The following PAH variants were observed in gnomAD, a reference collection of about 807,000 sequenced individuals.
PAH encodes phenylalanine hydroxylase.
A neutral mutation model predicts 62.0 loss-of-function variants in PAH; 64 were observed. That is an observed-to-expected ratio of 1.03 (90% CI 0.84 to 1.27). PAH has a LOEUF of 1.27. Among genes scored for constraint, PAH ranks in the 50% most tolerant of loss-of-function variants. The probability of loss-of-function intolerance (pLI) is 0.00; values close to 1 mark genes in which losing one functional copy is unlikely to be tolerated. For missense variants in PAH, 579 were observed against 542.8 expected (o/e 1.07, Z -0.66); for synonymous variants, 195 against 196.2 (o/e 0.99, Z 0.05).
upstream of PAH, among the ~76,000 whole-genome samples, chr12:102,919,373 G>A (rs113386078): frequency 2.6e-5 from 4 of 152,286 alleles, no homozygotes; most frequent in African/African-American, 9.6e-5. Context: ...ATACAGGCAT[G>A]CAATGTGTAA....
chr12:102,855,687 A>T (rs1875394006), intron 5 of PAH, among the ~76,000 whole-genome samples: 1 of 152,242 alleles, frequency 6.6e-6, no homozygotes, highest in South Asian at 2.1e-4. Flanking sequence ...CAAAGCTGTA[A>T]AGTTGCAGAG....
intron 4 of PAH, among the ~76,000 whole-genome samples, chr12:102,873,687 A>G (rs7969007): frequency 0.12 from 18,166 of 152,220 alleles, 1,166 homozygotes; most frequent in South Asian, 0.2. Flanking sequence ...ATATAATTAT[A>G]TACTAGTTAT....
chr12:102,920,426 AGTT>A (rs1878522901), upstream of PAH, among the ~76,000 whole-genome samples: 1 of 152,214 alleles, frequency 6.6e-6, no homozygotes, highest in Non-Finnish European at 1.5e-5. Flanking sequence ...CAAGATGAGA[AGTT>A]GTGTACTTGG....
At chr12:102,895,578 G>T (rs2136703035) in intron 2 of PAH, among the ~76,000 whole-genome samples, 1 of 152,148 alleles carries the variant, frequency 6.6e-6, no homozygotes, top group South Asian at 2.1e-4. Context: ...CTGGCGCTGT[G>T]GCTCACGCCT....
intron 12 of PAH, among the ~76,000 whole-genome samples, 153 bp downstream of exon 12, chr12:102,840,247 T>C (rs1874525556): frequency 6.6e-6 from 1 of 152,174 alleles, no homozygotes. Flanking sequence ...GTCAAGTTCT[T>C]CTCCATCAAT....
At chr12:102,914,039 A>T in intron 1 of PAH, 2 of 534,722 alleles carry the variant, frequency 3.7e-6, no homozygotes, top group East Asian at 6.0e-5. Flanking sequence ...TGTGTTAGGA[A>T]ACTCTTAGTG....
rs1255246430 is a variant in PAH at position 102,948,040 on chromosome 12, C to T, written c.-96+2549G>A. Among the ~76,000 whole-genome samples the T allele has an allele frequency of 2.6e-5, 4 of 152,196 alleles. No individual in the cohort carries two copies. The East Asian group carries it at 5.8e-4, about 22-fold the overall frequency. Reference sequence around the variant, plus strand: ...CCCCCCTCATCCAGAAAGATTCCCACAGACACACTCTGGGTACTCCAGAGG... The same window carrying T: ...CCCCCCTCATCCAGAAAGATTCCCATAGACACACTCTGGGTACTCCAGAGG... On this transcript the variant is annotated intron_variant, in intron 1 of 3. Coordinates refer to the PAH transcript ENST00000546844.
rs146389083 is a variant in PAH, at chr12:102,879,255, T to C, written c.353-1705A>G. 3.3e-5 allele frequency among the ~76,000 whole-genome samples: 5 copies of C among 152,136 alleles called. No homozygotes were observed. In the East Asian group the frequency reaches 9.7e-4, roughly 29 times the overall value. Reference sequence around the variant, plus strand: ...TGGAGTAGCTACTTGAATCTGAGGATTGCTGTGGGCAGTGATGAGAAACAA... The same window carrying C: ...TGGAGTAGCTACTTGAATCTGAGGACTGCTGTGGGCAGTGATGAGAAACAA... On this transcript the variant is annotated intron_variant, in intron 3 of 12. Transcript: ENST00000553106.
intron 1 of PAH, chr12:102,946,489 CTG>C (rs1431948225): frequency 6.6e-6 from 1 of 152,338 alleles, no homozygotes; most frequent in Non-Finnish European, 1.5e-5. Flanking sequence ...AATGCTCCCT[CTG>C]TGGGTGCTGA....
intron 2 of PAH, among the ~76,000 whole-genome samples, chr12:102,900,920 T>A (rs577777336): frequency 2.0e-5 from 3 of 152,148 alleles, no homozygotes; most frequent in Non-Finnish European, 4.4e-5. Flanking sequence ...GGCTTGAACT[T>A]TTCAAAAACA....
At chr12:102,879,097 T>G (rs1274480426) in intron 3 of PAH, among the ~76,000 whole-genome samples, 3 of 151,934 alleles carry the variant, frequency 2.0e-5, no homozygotes, top group East Asian at 3.9e-4. Flanking sequence ...TGCCTACTTA[T>G]CCTCTCTGTG....
At chr12:102,873,494 A>G (rs1373875152) in intron 4 of PAH, among the ~76,000 whole-genome samples, 3 of 152,186 alleles carry the variant, frequency 2.0e-5, no homozygotes, top group Non-Finnish European at 4.4e-5. Flanking sequence ...TGGGTTGGCC[A>G]CGGAGATCTG....
chr12:102,879,123 C>T (rs768832418), intron 3 of PAH, among the ~76,000 whole-genome samples: 1 of 151,946 alleles, frequency 6.6e-6, no homozygotes, highest in African/African-American at 2.4e-5. Flanking sequence ...GTTCCTCCTC[C>T]GGGAGGAGGA....
chr12:102,920,960 A>AC (rs1216215143), upstream of PAH, among the ~76,000 whole-genome samples: 1 of 152,112 alleles, frequency 6.6e-6, no homozygotes, highest in Non-Finnish European at 1.5e-5. Context: ...ATTTTTCACC[A>AC]CCCCAAACAA....
chr12:102,872,525 G>A (rs1446512207), intron 4 of PAH, among the ~76,000 whole-genome samples: 3 of 152,166 alleles, frequency 2.0e-5, no homozygotes, highest in Non-Finnish European at 4.4e-5. Context: ...AACTCTGACA[G>A]GGCCTCAGGT....
intron 3 of PAH, among the ~76,000 whole-genome samples, chr12:102,893,938 G>A (rs541224670): frequency 6.6e-6 from 1 of 152,298 alleles, no homozygotes; most frequent in Admixed American, 6.5e-5. Flanking sequence ...CTGCCCACAA[G>A]GAGATTGTAT....
intron 1 of PAH, chr12:102,950,196 A>T (rs1879686397): frequency 6.6e-6 from 1 of 152,250 alleles, no homozygotes; most frequent in African/African-American, 2.4e-5. Context: ...ACTATTAGAA[A>T]TCCTTCTCTT....
chr12:102,920,701 A>C (rs1265529724), upstream of PAH, among the ~76,000 whole-genome samples: 1 of 152,210 alleles, frequency 6.6e-6, no homozygotes, highest in African/African-American at 2.4e-5. Context: ...TGTAAAATAC[A>C]TAGAAATGTT....
At chr12:102,844,115 C>A (rs2136636347) in intron 10 of PAH, among the ~76,000 whole-genome samples, 1 of 152,272 alleles carries the variant, frequency 6.6e-6, no homozygotes, top group South Asian at 2.1e-4. Flanking sequence ...CAGGAGGCCC[C>A]TTCTCCCCAG....
Sources: allele counts gnomAD v4.1 joint callset (sites outside exome capture counted in the v4.1 genomes callset), GRCh38; gene constraint gnomAD v4.1.1; transcripts MANE v1.5; gene names NCBI Gene and HGNC (gene_info 2026-07-23, HGNC 2026-07-21).